Variants in LRMDA observed in about 807,000 individuals in gnomAD.
LRMDA encodes the protein leucine rich melanocyte differentiation associated.
A neutral mutation model predicts 29.8 loss-of-function variants in LRMDA; 18 were observed. The observed-to-expected ratio is 0.60, with a 90% CI of 0.42 to 0.90. The LOEUF is 0.90. Ranked by LOEUF, LRMDA falls within the 40% of genes least tolerant of loss-of-function variation. LRMDA has a pLI of 0.00. For synonymous variants in LRMDA, 125 were observed against 109.4 expected (o/e 1.14, Z -0.89); for missense variants, 273 against 273.9 (o/e 1.00, Z 0.02).
chr10:75,915,641 C>T (rs1342315071), intron 2 of LRMDA, among the ~76,000 whole-genome samples: 1 of 152,154 alleles, frequency 6.6e-6, no homozygotes, highest in Non-Finnish European at 1.5e-5. Context: ...AGGCTTGACT[C>T]CATGTCTTCA....
At chr10:76,243,439 T>A (rs995014295) in intron 5 of LRMDA, among the ~76,000 whole-genome samples, 2 of 152,176 alleles carry the variant, frequency 1.3e-5, no homozygotes, top group African/African-American at 4.8e-5. Context: ...GTAGCTTACG[T>A]CGACACCAGC....
At chr10:76,084,495 G>T (rs1049054192) in intron 5 of LRMDA, among the ~76,000 whole-genome samples, 1 of 149,944 alleles carries the variant, frequency 6.7e-6, no homozygotes, top group Non-Finnish European at 1.5e-5. Flanking sequence ...GAATATAGGC[G>T]TGAGCCACTG....
At chr10:75,806,846 A>G (rs1843863249) in intron 2 of LRMDA, among the ~76,000 whole-genome samples, 1 of 149,942 alleles carries the variant, frequency 6.7e-6, no homozygotes, top group African/African-American at 2.5e-5. Flanking sequence ...AAAAAAACCT[A>G]CCTTGGGAGT....
intron 6 of LRMDA, among the ~76,000 whole-genome samples, chr10:76,484,121 C>T (rs1351809019): frequency 6.6e-6 from 1 of 151,638 alleles, no homozygotes; most frequent in Admixed American, 6.6e-5. Flanking sequence ...TCTTCTTCCT[C>T]CTCTTTCTCC....
intron 2 of LRMDA, among the ~76,000 whole-genome samples, chr10:75,685,853 AAAC>A (rs1842075485): frequency 6.6e-6 from 1 of 152,218 alleles, no homozygotes; most frequent in African/African-American, 2.4e-5. Flanking sequence ...TAACAAACAA[AAAC>A]AACAACATAA....
intron 5 of LRMDA, among the ~76,000 whole-genome samples, chr10:76,068,366 CA>C (rs1223710086): frequency 6.6e-6 from 1 of 152,076 alleles, no homozygotes; most frequent in Non-Finnish European, 1.5e-5. Context: ...CAGCAGTCAC[CA>C]ACGTTTCTGG....
intron 2 of LRMDA, among the ~76,000 whole-genome samples, chr10:75,804,825 A>G (rs1022940933): frequency 1.3e-5 from 2 of 152,158 alleles, no homozygotes; most frequent in African/African-American, 2.4e-5. Context: ...TGAGGTTGAG[A>G]TTAAATGTTG....
chr10:76,208,500 G>T (rs2117796), intron 5 of LRMDA, among the ~76,000 whole-genome samples: 23,331 of 152,140 alleles, frequency 0.15, 2,499 homozygotes, highest in East Asian at 0.52. Context: ...GAGCCCAGTG[G>T]AACTGAATTC....
At chr10:76,484,284 G>A (rs1363909062) in intron 6 of LRMDA, among the ~76,000 whole-genome samples, 1 of 149,572 alleles carries the variant, frequency 6.7e-6, no homozygotes, top group African/African-American at 2.5e-5. Flanking sequence ...TTCCTTAACT[G>A]TTTTAGAAAT....
chr10:75,666,239 T>C (rs1334001268), intron 2 of LRMDA, among the ~76,000 whole-genome samples: 2 of 152,180 alleles, frequency 1.3e-5, no homozygotes. Flanking sequence ...AATTGCAGTA[T>C]GTTTATATGA....
At chr10:75,943,971 G>A (rs574880473) in intron 2 of LRMDA, among the ~76,000 whole-genome samples, 1 of 152,238 alleles carries the variant, frequency 6.6e-6, no homozygotes, top group Non-Finnish European at 1.5e-5. Flanking sequence ...AAAGAAGTGA[G>A]CTTTACATGT....
At chr10:76,096,660 C>T (rs1346898258) in intron 5 of LRMDA, among the ~76,000 whole-genome samples, 1 of 152,074 alleles carries the variant, frequency 6.6e-6, no homozygotes, top group Non-Finnish European at 1.5e-5. Flanking sequence ...TTTGCTGGGA[C>T]TTTCAGATTC....
chr10:75,583,677 C>T (rs1210529242), intron 2 of LRMDA, among the ~76,000 whole-genome samples: 1 of 152,148 alleles, frequency 6.6e-6, no homozygotes, highest in African/African-American at 2.4e-5. Flanking sequence ...TCCTCCTGCC[C>T]ACCATCAGCT....
rs183106140 is a variant in LRMDA, at chr10:75,678,683, C to T, written c.131+240189C>T. 8.5e-5 allele frequency among the ~76,000 whole-genome samples: 13 copies of T among 152,292 alleles called. No homozygotes were observed. In the East Asian group the frequency reaches 2.1e-3, roughly 25 times the overall value. ...GTTAAAGTCATCAAAATGTTGACAGCTGCATAAGTCTTTGTAAAGCATTCA... is the reference window on the plus strand; with the variant it reads ...GTTAAAGTCATCAAAATGTTGACAGTTGCATAAGTCTTTGTAAAGCATTCA... On this transcript the variant is annotated intron_variant, in intron 2 of 6. Coordinates refer to ENST00000611255, the MANE Select transcript of LRMDA (RefSeq NM_001305581.2).
intron 2 of LRMDA, among the ~76,000 whole-genome samples, chr10:75,854,314 T>G (rs973948616): frequency 6.6e-6 from 1 of 152,176 alleles, no homozygotes; most frequent in Non-Finnish European, 1.5e-5. Flanking sequence ...TTCCCCTGTG[T>G]GGTATATAAT....
rs190749350 is a variant in LRMDA at position 75,737,998 on chromosome 10, C to T, written c.132-298010C>T. On this transcript the variant is annotated intron_variant, in intron 2 of 6. Coordinates refer to ENST00000611255, the MANE Select transcript of LRMDA (RefSeq NM_001305581.2). ...GGAGAGAAGCAATTTCCTGATTTCT[C>T]TCTGGTTTGGGTTAGAGTGGCCATT... 8.5e-5 allele frequency among the ~76,000 whole-genome samples: 13 copies of T among 152,266 alleles called. No individual in the cohort carries two copies. The East Asian group carries it at 2.1e-3, about 25-fold the overall frequency.
chr10:76,369,581 A>C (rs1188770019), intron 6 of LRMDA, among the ~76,000 whole-genome samples: 1 of 152,072 alleles, frequency 6.6e-6, no homozygotes, highest in Non-Finnish European at 1.5e-5. Context: ...ACCTGATGAC[A>C]ATGTTCTTAG....
intron 6 of LRMDA, among the ~76,000 whole-genome samples, chr10:76,531,552 AT>A (rs1284673095): frequency 6.6e-6 from 1 of 151,850 alleles, no homozygotes; most frequent in Non-Finnish European, 1.5e-5. Context: ...AAATGATTTT[AT>A]TTTTTTAAAT....
chr10:75,432,425 A>G lies in LRMDA; in HGVS notation c.30+671A>G, dbSNP rs557057459. On this transcript the variant is annotated intron_variant, in intron 1 of 6. Coordinates refer to ENST00000611255, the MANE Select transcript of LRMDA (RefSeq NM_001305581.2). ...CCAGTTTCAATCCTGGGTGCCAGAC[A>G]CCCAGTCTCACATGCTTTGAGCTCT... is the stretch of plus-strand genomic sequence containing the variant. Among the ~76,000 whole-genome samples the G allele has an allele frequency of 3.3e-5, 5 of 152,330 alleles. No homozygotes were observed. The South Asian group carries it at 1.0e-3, about 32-fold the overall frequency.
Sources: gnomAD v4.1 joint callset for allele counts (sites outside exome capture counted in the v4.1 genomes callset) on GRCh38, gnomAD v4.1.1 for gene constraint, MANE v1.5 for transcripts, NCBI Gene and HGNC (gene_info 2026-07-23, HGNC 2026-07-21) for gene names.